SAMD5: variants seen among roughly 807,000 people sequenced by gnomAD.
SAMD5 encodes the protein sterile alpha motif domain containing 5, also known as sterile alpha motif domain-containing protein 5.
Under a neutral mutation model 11.3 loss-of-function variants are expected in SAMD5, and 13 were observed. The ratio of observed to expected loss-of-function variants is 1.15; its 90% CI spans 0.75 to 1.83. The LOEUF (loss-of-function observed/expected upper bound fraction) is 1.83. SAMD5 is among the 40% of genes most tolerant of loss of function. SAMD5 has a pLI of 0.00. For synonymous variants in SAMD5, 129 were observed against 111.3 expected (o/e 1.16, Z -1.00); for missense variants, 255 against 239.1 (o/e 1.07, Z -0.44).
the SAMD5 span, among the ~76,000 whole-genome samples, chr6:147,864,280 G>A: frequency 8.8e-4 from 134 of 152,274 alleles, 1 homozygote; most frequent in Middle Eastern, 3.4e-3. Flanking sequence ...TTCACTGTTC[G>A]AGAATTCTTA....
the SAMD5 span, among the ~76,000 whole-genome samples, chr6:147,864,900 T>C: frequency 6.6e-6 from 1 of 152,166 alleles, no homozygotes; most frequent in African/African-American, 2.4e-5. Flanking sequence ...AACACACACT[T>C]CCAGTTTAAA....
intron 1 of SAMD5, among the ~76,000 whole-genome samples, chr6:147,684,579 G>A (rs1043847316): frequency 3.9e-5 from 6 of 152,182 alleles, no homozygotes; most frequent in African/African-American, 1.4e-4. Flanking sequence ...CACCAACAGT[G>A]CCTGAGAATT....
At chr6:147,560,679 C>G (rs1788933241) in intron 1 of SAMD5, among the ~76,000 whole-genome samples, 1 of 152,102 alleles carries the variant, frequency 6.6e-6, no homozygotes, top group Non-Finnish European at 1.5e-5. Context: ...AGTTAAAAAT[C>G]AGAGTAATCA....
intron 1 of SAMD5, among the ~76,000 whole-genome samples, chr6:147,580,804 A>C (rs938931061): frequency 2.8e-5 from 4 of 141,856 alleles, no homozygotes; most frequent in Non-Finnish European, 6.0e-5. Context: ...TCTTTTTTGC[A>C]GCTAAACTAT....
intron 1 of SAMD5, among the ~76,000 whole-genome samples, chr6:147,696,009 T>G (rs1335176892): frequency 6.6e-6 from 1 of 152,194 alleles, no homozygotes; most frequent in African/African-American, 2.4e-5. Flanking sequence ...TGCCATGTCT[T>G]GCACAACCCT....
intron 1 of SAMD5, among the ~76,000 whole-genome samples, chr6:147,663,903 ATTTTT>A (rs201468036): frequency 7.0e-6 from 1 of 142,152 alleles, no homozygotes; most frequent in African/African-American, 2.6e-5. Flanking sequence ...TTACATGTAA[ATTTTT>A]TTTTTTTTTT....
intron 1 of SAMD5, among the ~76,000 whole-genome samples, chr6:147,670,664 T>C (rs1248949204): frequency 6.6e-6 from 1 of 152,238 alleles, no homozygotes; most frequent in African/African-American, 2.4e-5. Flanking sequence ...GCTTCAGACT[T>C]TTCTTCTACA....
At chr6:147,915,694 T>G in the SAMD5 span, among the ~76,000 whole-genome samples, 1 of 152,296 alleles carries the variant, frequency 6.6e-6, no homozygotes, top group African/African-American at 2.4e-5. Flanking sequence ...TTGGTGAAGA[T>G]TCTCTTTTTT....
chr6:147,674,253 G>A (rs2128455767), intron 1 of SAMD5, among the ~76,000 whole-genome samples: 1 of 152,278 alleles, frequency 6.6e-6, no homozygotes, highest in East Asian at 1.9e-4. Flanking sequence ...TGGAGATGGA[G>A]AACACTAGAG....
the SAMD5 span, among the ~76,000 whole-genome samples, chr6:147,935,359 C>T: frequency 6.6e-6 from 1 of 152,244 alleles, no homozygotes; most frequent in East Asian, 1.9e-4. Flanking sequence ...CATCACTACC[C>T]AAATTATGGG....
rs1789052491 is a variant in SAMD5 at position 147,567,009 on chromosome 6, A to G, written c.*2553A>G. 1.2e-6 allele frequency: 1 copy of G among 852,334 alleles called. No individual in the cohort carries two copies. Among genetic ancestry groups the G allele is most frequent in the South Asian group, 5.4e-5 (1 of 18,436 alleles). 52.8% of individuals were successfully genotyped at this position (852,334 alleles called of 1,614,324 possible). On this transcript the variant is annotated 3_prime_UTR_variant, in exon 2 of 2. Coordinates refer to ENST00000367474, the MANE Select transcript of SAMD5 (RefSeq NM_001030060.3). ...TAAGAATAAATATGTTATAAAAACT[A>G]GGGGATTATCTTGATTTACATTTCC...
chr6:147,564,494 G>T lies in SAMD5; in HGVS notation c.*38G>T. On this transcript the variant is annotated 3_prime_UTR_variant, in exon 2 of 2. Coordinates refer to ENST00000367474, the MANE Select transcript of SAMD5 (RefSeq NM_001030060.3). ...AGACCTCGTGGAGGACTGATGAGGT[G>T]CCTGAAGACTGGAAAAGGGCATATT... The T allele has an allele frequency of 1.2e-6, 1 of 806,724 alleles. No individual in the cohort carries two copies. The highest frequency in any genetic ancestry group is 2.3e-6 in the Non-Finnish European group (1 of 443,142). 50.0% of individuals were successfully genotyped at this position (806,724 alleles called of 1,614,324 possible). A position where few individuals can be genotyped will look rare whatever the true frequency, so the allele number is the denominator to read the frequency against.
chr6:147,602,124 C>T (rs1789625942), intron 1 of SAMD5, among the ~76,000 whole-genome samples: 1 of 152,190 alleles, frequency 6.6e-6, no homozygotes, highest in Admixed American at 6.5e-5. Context: ...AAAATATCCT[C>T]ACACAGATTG....
At chr6:147,528,371 T>G (rs981840564) in intron 1 of SAMD5, among the ~76,000 whole-genome samples, 5 of 152,200 alleles carry the variant, frequency 3.3e-5, no homozygotes, top group African/African-American at 1.2e-4. Flanking sequence ...TGCCCCAGCT[T>G]GCAAATGGCC....
At chr6:147,531,869 T>C (rs1788435230) in intron 1 of SAMD5, among the ~76,000 whole-genome samples, 1 of 152,166 alleles carries the variant, frequency 6.6e-6, no homozygotes, top group Non-Finnish European at 1.5e-5. Flanking sequence ...TGTACGAGAT[T>C]ATATCATCAA....
the SAMD5 span, among the ~76,000 whole-genome samples, chr6:147,903,813 C>A: frequency 6.6e-6 from 1 of 151,450 alleles, no homozygotes; most frequent in Non-Finnish European, 1.5e-5. Flanking sequence ...GAGGCTGAGG[C>A]AGGAGAATTG....
chr6:147,904,190 T>G, the SAMD5 span, among the ~76,000 whole-genome samples: 1 of 152,188 alleles, frequency 6.6e-6, no homozygotes, highest in Non-Finnish European at 1.5e-5. Context: ...TAATAGCAGC[T>G]AGATCTATGA....
chr6:147,926,307 G>A, the SAMD5 span, among the ~76,000 whole-genome samples: 1 of 152,104 alleles, frequency 6.6e-6, no homozygotes, highest in African/African-American at 2.4e-5. Context: ...CCTGTTGACG[G>A]TGTATAAGAA....
the SAMD5 span, among the ~76,000 whole-genome samples, chr6:147,855,742 CAGAG>C: frequency 3.3e-5 from 5 of 152,084 alleles, no homozygotes; most frequent in African/African-American, 1.2e-4. Flanking sequence ...AATTAAAAGG[CAGAG>C]TTTCTCACAT....
Sources: gnomAD v4.1 joint callset for allele counts (sites outside exome capture counted in the v4.1 genomes callset) on GRCh38, gnomAD v4.1.1 for gene constraint, MANE v1.5 for transcripts, NCBI Gene and HGNC (gene_info 2026-07-23, HGNC 2026-07-21) for gene names.